PDE11A: variants seen among roughly 807,000 people sequenced by gnomAD.
The protein encoded by PDE11A is dual 3',5'-cyclic-AMP and -GMP phosphodiesterase 11A.
In PDE11A, 100 loss-of-function variants were observed where a neutral mutation model predicts 100.5. The observed-to-expected ratio is 1.00, with a 90% CI of 0.85 to 1.18. The LOEUF is 1.18. PDE11A is among the 50% of genes most tolerant of loss of function. The pLI is 0.00. For synonymous variants in PDE11A, 381 were observed against 420.8 expected (o/e 0.91, Z 1.16); for missense variants, 1,141 against 1,152.6 (o/e 0.99, Z 0.15).
chr2:177,860,551 C>G (rs1023053098), intron 5 of PDE11A, among the ~76,000 whole-genome samples: 5 of 151,786 alleles, frequency 3.3e-5, no homozygotes, highest in African/African-American at 1.2e-4. Flanking sequence ...AAATGTCAGT[C>G]CTTAACAAAC....
chr2:177,911,745 G>A (rs1013800568), intron 2 of PDE11A, among the ~76,000 whole-genome samples: 5 of 152,000 alleles, frequency 3.3e-5, no homozygotes, highest in African/African-American at 4.8e-5. Context: ...TTAGCTGGCC[G>A]TGGTGGTGTG....
intron 1 of PDE11A, among the ~76,000 whole-genome samples, chr2:178,034,785 AAT>A (rs978048966): frequency 1.3e-5 from 2 of 152,232 alleles, no homozygotes; most frequent in African/African-American, 4.8e-5. Flanking sequence ...CTGGGAAAAT[AAT>A]GAAATTAAGG....
chr2:177,650,755 C>G (rs769760696), intron 19 of PDE11A, among the ~76,000 whole-genome samples: 1 of 152,096 alleles, frequency 6.6e-6, no homozygotes, highest in Non-Finnish European at 1.5e-5. Context: ...GGTTCTAAAC[C>G]CAGCTCTGCC....
chr2:178,065,548 G>GA (rs1376948437), intron 1 of PDE11A, among the ~76,000 whole-genome samples: 2 of 152,216 alleles, frequency 1.3e-5, no homozygotes, highest in African/African-American at 2.4e-5. Flanking sequence ...TCACGATCAT[G>GA]TGTCTGTCAG....
intron 5 of PDE11A, among the ~76,000 whole-genome samples, chr2:177,875,571 C>T (rs965675142): frequency 4.0e-5 from 6 of 151,576 alleles, no homozygotes; most frequent in African/African-American, 9.7e-5. Context: ...GTAGTAGAGA[C>T]GGCATTTCAC....
chr2:177,677,542 G>A (rs1301078144), intron 16 of PDE11A, among the ~76,000 whole-genome samples: 2 of 152,148 alleles, frequency 1.3e-5, no homozygotes, highest in Admixed American at 1.3e-4. Flanking sequence ...TGGGGACTCA[G>A]GAGGGACCTG....
At chr2:177,987,968 G>A (rs1248416010) in intron 2 of PDE11A, among the ~76,000 whole-genome samples, 2 of 152,180 alleles carry the variant, frequency 1.3e-5, no homozygotes, top group East Asian at 3.8e-4. Flanking sequence ...AAAGAGGAGA[G>A]ACTATAAACA....
chr2:177,704,346 G>T (rs1465831), intron 13 of PDE11A, among the ~76,000 whole-genome samples: 14,266 of 151,898 alleles, frequency 0.094, 1,905 homozygotes, highest in African/African-American at 0.29. Flanking sequence ...ACTTTGAGGG[G>T]TTTTTTTAAA....
intron 19 of PDE11A, among the ~76,000 whole-genome samples, chr2:177,646,723 C>T (rs2080229173): frequency 6.6e-6 from 1 of 152,196 alleles, no homozygotes; most frequent in Non-Finnish European, 1.5e-5. Context: ...AACAGATTCA[C>T]AGGAAAGTGG....
chr2:178,017,391 A>C (rs1278050842), intron 1 of PDE11A, among the ~76,000 whole-genome samples: 2 of 152,256 alleles, frequency 1.3e-5, no homozygotes, highest in Non-Finnish European at 2.9e-5. Context: ...AATTAGAGCT[A>C]CCTGTATCAA....
At chr2:177,923,991 C>G (rs960866869) in intron 2 of PDE11A, among the ~76,000 whole-genome samples, 1 of 152,086 alleles carries the variant, frequency 6.6e-6, no homozygotes, top group African/African-American at 2.4e-5. Context: ...ATAAAAATGT[C>G]ATATATAAAG....
At chr2:177,685,343 A>G (rs2080928717) in intron 15 of PDE11A, among the ~76,000 whole-genome samples, 1 of 152,204 alleles carries the variant, frequency 6.6e-6, no homozygotes, top group Non-Finnish European at 1.5e-5. Flanking sequence ...CTTGCAGAGT[A>G]GATTCTAACA....
At chr2:177,710,398 C>A (rs2081342581) in intron 13 of PDE11A, among the ~76,000 whole-genome samples, 1 of 152,060 alleles carries the variant, frequency 6.6e-6, no homozygotes, top group Non-Finnish European at 1.5e-5. Flanking sequence ...TTTTGGAAGA[C>A]ACAAGTTTGG....
rs558522040 is a variant in PDE11A, at chr2:177,991,794, T to G, written c.1071+22508A>C. On this transcript the variant is annotated intron_variant, in intron 2 of 19. Transcript: ENST00000286063. Reference sequence around the variant, plus strand: ...TTTTATGATGGCATGAGTTTTTAAGTGCTGCAAAACATCTATATAAAGAGC... The same window carrying G: ...TTTTATGATGGCATGAGTTTTTAAGGGCTGCAAAACATCTATATAAAGAGC... 2.0e-5 allele frequency among the ~76,000 whole-genome samples: 3 copies of G among 151,272 alleles called. No individual in the cohort carries two copies. In the East Asian group the frequency reaches 5.8e-4, roughly 29 times the overall value.
chr2:177,907,339 A>G (rs1339325699), intron 2 of PDE11A, among the ~76,000 whole-genome samples: 1 of 152,192 alleles, frequency 6.6e-6, no homozygotes, highest in Non-Finnish European at 1.5e-5. Flanking sequence ...TATTCTATTT[A>G]CTAGAGAAAA....
chr2:178,086,815 G>A (rs1198849612), intron 2 of PDE11A, among the ~76,000 whole-genome samples: 1 of 152,178 alleles, frequency 6.6e-6, no homozygotes, highest in Non-Finnish European at 1.5e-5. Context: ...TGTGAAACCA[G>A]GACCCATGTT....
At chr2:177,945,496 C>A (rs540579884) in intron 2 of PDE11A, among the ~76,000 whole-genome samples, 1 of 147,710 alleles carries the variant, frequency 6.8e-6, no homozygotes, top group Admixed American at 6.7e-5. Flanking sequence ...GTGAGGAGGC[C>A]TCTGCCCGGC....
chr2:177,962,328 A>G (rs2085644757), intron 2 of PDE11A, among the ~76,000 whole-genome samples: 1 of 152,110 alleles, frequency 6.6e-6, no homozygotes, highest in South Asian at 2.1e-4. Flanking sequence ...TTCAGTAAAT[A>G]AATGTCCACA....
intron 19 of PDE11A, among the ~76,000 whole-genome samples, chr2:177,631,348 T>C (rs1229612465): frequency 1.4e-5 from 2 of 143,192 alleles, no homozygotes; most frequent in Non-Finnish European, 3.0e-5. Context: ...GGCACATGCC[T>C]CACATGCCTG....
Sources: allele counts gnomAD v4.1 joint callset (sites outside exome capture counted in the v4.1 genomes callset), GRCh38; gene constraint gnomAD v4.1.1; transcripts MANE v1.5; gene names NCBI Gene and HGNC (gene_info 2026-07-23, HGNC 2026-07-21).